Variants in GRIK1 observed in about 807,000 individuals in gnomAD.
GRIK1 encodes the protein glutamate receptor ionotropic, kainate 1.
GRIK1 carries 69 observed loss-of-function variants against 105.7 expected under a neutral mutation model. The ratio of observed to expected loss-of-function variants is 0.65; its 90% CI spans 0.54 to 0.80. The LOEUF (loss-of-function observed/expected upper bound fraction) is 0.80, where lower values mean the gene tolerates loss of function less well. Ranked by LOEUF, GRIK1 falls within the 30% of genes least tolerant of loss-of-function variation. GRIK1 has a pLI of 0.00. For synonymous variants in GRIK1, 438 were observed against 431.3 expected, an observed-to-expected ratio of 1.02 and a Z score of -0.19; for missense variants, 1,109 against 1,167.3, an observed-to-expected ratio of 0.95 and a Z score of 0.73.
intron 4 of GRIK1, among the ~76,000 whole-genome samples, chr21:29,659,083 C>T (rs991241199): frequency 2.0e-5 from 3 of 152,172 alleles, no homozygotes; most frequent in Admixed American, 2.0e-4. Flanking sequence ...TTTTCATGTG[C>T]TAATGTCATC....
chr21:29,783,867 C>T (rs775260981), intron 1 of GRIK1, among the ~76,000 whole-genome samples: 8 of 152,256 alleles, frequency 5.3e-5, no homozygotes, highest in Admixed American at 3.9e-4. Flanking sequence ...CACAGAAAAA[C>T]GTTTCTTTTA....
intron 4 of GRIK1, chr21:29,657,804 C>A (rs1420922682): frequency 6.6e-6 from 1 of 152,208 alleles, no homozygotes; most frequent in East Asian, 1.9e-4. Flanking sequence ...TTGTCGCATA[C>A]TTTGTAAATA....
chr21:29,549,916 G>C (rs2090103895), intron 16 of GRIK1, among the ~76,000 whole-genome samples: 1 of 151,796 alleles, frequency 6.6e-6, no homozygotes. Context: ...AGACCAGCTT[G>C]GCCAACATGG....
At chr21:29,921,504 A>G (rs1209511515) in intron 1 of GRIK1, among the ~76,000 whole-genome samples, 1 of 152,184 alleles carries the variant, frequency 6.6e-6, no homozygotes, top group East Asian at 1.9e-4. Flanking sequence ...AAATAAACAA[A>G]CAAAAAAATA....
At chr21:29,840,708 C>T (rs374309767) in intron 1 of GRIK1, among the ~76,000 whole-genome samples, 108 of 152,256 alleles carry the variant, frequency 7.1e-4, no homozygotes, top group African/African-American at 2.4e-3. Context: ...TTTTTTTACA[C>T]TGTGTCTGAA....
At chr21:29,787,364 G>C (rs188108521) in intron 1 of GRIK1, among the ~76,000 whole-genome samples, 4 of 152,180 alleles carry the variant, frequency 2.6e-5, no homozygotes, top group African/African-American at 7.2e-5. Context: ...GCTCAAGGGA[G>C]AGCATCTTAT....
chr21:29,746,623 AT>A (rs1381130737), intron 1 of GRIK1, among the ~76,000 whole-genome samples: 2 of 152,248 alleles, frequency 1.3e-5, no homozygotes, highest in African/African-American at 4.8e-5. Flanking sequence ...AATGATTGTA[AT>A]TGTAAAGTGA....
intron 1 of GRIK1, among the ~76,000 whole-genome samples, chr21:29,768,006 G>A (rs562253813): frequency 3.3e-5 from 5 of 152,182 alleles, no homozygotes; most frequent in African/African-American, 9.6e-5. Flanking sequence ...ATTTTTAAGC[G>A]CTGGCAATGG....
intron 6 of GRIK1, among the ~76,000 whole-genome samples, chr21:29,644,535 A>G (rs1427816688): frequency 1.3e-5 from 2 of 152,258 alleles, no homozygotes; most frequent in African/African-American, 4.8e-5. Context: ...TGTAATTGAC[A>G]TACTGACGTT....
chr21:29,855,483 G>C (rs1414854783), intron 1 of GRIK1, among the ~76,000 whole-genome samples: 2 of 152,134 alleles, frequency 1.3e-5, no homozygotes, highest in African/African-American at 4.8e-5. Flanking sequence ...CATATAACTT[G>C]ACATAAGAAA....
intron 1 of GRIK1, among the ~76,000 whole-genome samples, chr21:29,862,999 G>C (rs574298761): frequency 1.3e-5 from 2 of 152,240 alleles, no homozygotes; most frequent in South Asian, 4.2e-4. Flanking sequence ...TGATTTCTCT[G>C]AGTTTAATGG....
chr21:29,883,555 A>C (rs774710158), intron 1 of GRIK1, among the ~76,000 whole-genome samples: 1 of 152,038 alleles, frequency 6.6e-6, no homozygotes, highest in Non-Finnish European at 1.5e-5. Flanking sequence ...AGAAAAAATA[A>C]AAATGAAATA....
At chr21:29,626,911 T>C (rs956491232) in intron 7 of GRIK1, among the ~76,000 whole-genome samples, 2 of 152,222 alleles carry the variant, frequency 1.3e-5, no homozygotes, top group African/African-American at 4.8e-5. Context: ...TGTTGCATGT[T>C]GAAATGGTGA....
intron 4 of GRIK1, among the ~76,000 whole-genome samples, chr21:29,660,646 G>C (rs2062945182): frequency 6.6e-6 from 1 of 152,142 alleles, no homozygotes; most frequent in Admixed American, 6.5e-5. Context: ...ACTTTGAGGT[G>C]TTCTTGTAAT....
chr21:29,687,905 T>A (rs1045224632), intron 3 of GRIK1, among the ~76,000 whole-genome samples: 2 of 152,234 alleles, frequency 1.3e-5, no homozygotes, highest in African/African-American at 4.8e-5. Context: ...ATGGTCCAGC[T>A]TTGCTGTAGA....
At chr21:29,693,020 T>C (rs922239157) in intron 2 of GRIK1, among the ~76,000 whole-genome samples, 2 of 152,242 alleles carry the variant, frequency 1.3e-5, no homozygotes, top group African/African-American at 4.8e-5. Flanking sequence ...AACCAGCATT[T>C]AGTAACCTGG....
At chr21:29,917,092 C>A (rs376879320) in intron 1 of GRIK1, among the ~76,000 whole-genome samples, 2 of 151,948 alleles carry the variant, frequency 1.3e-5, no homozygotes, top group Non-Finnish European at 2.9e-5. Context: ...TAAGACATTT[C>A]GTTTTCAGTA....
At chr21:29,933,999 A>AATATAAATG (rs3831792) in intron 1 of GRIK1, among the ~76,000 whole-genome samples, 103,772 of 151,416 alleles carry the variant, frequency 0.69, 35,739 homozygotes, top group East Asian at 0.83. Flanking sequence ...AAAATTTTAG[A>AATATAAATG]ATATTTCCTA....
At chr21:29,861,077 A>G (rs458400) in intron 1 of GRIK1, among the ~76,000 whole-genome samples, 50,872 of 151,852 alleles carry the variant, frequency 0.34, 9,531 homozygotes, top group African/African-American at 0.5. Context: ...TGGTAGAGTC[A>G]TTGAAATTTT....
Sources: allele counts gnomAD v4.1 joint callset (sites outside exome capture counted in the v4.1 genomes callset), GRCh38; gene constraint gnomAD v4.1.1; transcripts MANE v1.5; gene names NCBI Gene and HGNC (gene_info 2026-07-23, HGNC 2026-07-21).